The following R3HCC1L variants were observed in gnomAD, a reference collection of about 807,000 sequenced individuals.
R3HCC1L encodes R3H domain and coiled-coil containing 1 like.
In R3HCC1L, 51 loss-of-function variants were observed where a neutral mutation model predicts 59.9. The ratio of observed to expected loss-of-function variants is 0.85; its 90% confidence interval spans 0.68 to 1.07. R3HCC1L has a LOEUF of 1.07. Among genes scored for constraint, R3HCC1L ranks in the 50% least tolerant of loss-of-function variants. The pLI is 0.00. For missense variants in R3HCC1L, 965 were observed against 933.0 expected, an observed-to-expected ratio of 1.03 and a Z score of -0.45; for synonymous variants, 322 against 315.2, an observed-to-expected ratio of 1.02 and a Z score of -0.23.
intron 4 of R3HCC1L, among the ~76,000 whole-genome samples, chr10:98,176,948 A>G (rs566221808): frequency 1.4e-4 from 22 of 152,184 alleles, no homozygotes; most frequent in Admixed American, 1.2e-3. Flanking sequence ...ATGTACATCT[A>G]TTGAGATAAT....
intron 5 of R3HCC1L, among the ~76,000 whole-genome samples, chr10:98,223,393 G>T (rs1252634193): frequency 1.8e-4 from 27 of 152,050 alleles, no homozygotes; most frequent in Admixed American, 1.8e-3. Context: ...TCATTGGAAT[G>T]TTGGTGAATA....
intron 4 of R3HCC1L, among the ~76,000 whole-genome samples, chr10:98,176,614 T>A (rs926219803): frequency 2.0e-5 from 3 of 152,176 alleles, no homozygotes; most frequent in Admixed American, 6.5e-5. Context: ...AGAGATTCTA[T>A]GGGATTTCTA....
intron 4 of R3HCC1L, among the ~76,000 whole-genome samples, chr10:98,180,770 T>C (rs1849546217): frequency 6.6e-6 from 1 of 152,148 alleles, no homozygotes; most frequent in Non-Finnish European, 1.5e-5. Context: ...GATAGTTAGC[T>C]CTTCTTGTTG....
chr10:98,183,769 A>T (rs1849901199), intron 4 of R3HCC1L, among the ~76,000 whole-genome samples: 1 of 152,006 alleles, frequency 6.6e-6, no homozygotes, highest in African/African-American at 2.4e-5. Context: ...TTTTATTTCT[A>T]GCATTTCCGT....
intron 4 of R3HCC1L, among the ~76,000 whole-genome samples, chr10:98,199,973 T>A (rs1376774542): frequency 6.6e-6 from 1 of 152,070 alleles, no homozygotes; most frequent in African/African-American, 2.4e-5. Context: ...AATAGACTTG[T>A]GTATCAGTCT....
chr10:98,135,754 A>G (rs1844508411), intron 1 of R3HCC1L, among the ~76,000 whole-genome samples: 2 of 152,194 alleles, frequency 1.3e-5, no homozygotes, highest in African/African-American at 4.8e-5. Context: ...TCCTCAGCAC[A>G]CACAACTATC....
At chr10:98,144,073 G>A in intron 1 of R3HCC1L, among the ~76,000 whole-genome samples, 1 of 152,094 alleles carries the variant, frequency 6.6e-6, no homozygotes, top group Non-Finnish European at 1.5e-5. Context: ...TGGGGGGTCC[G>A]AAGCAAGAAG....
intron 4 of R3HCC1L, among the ~76,000 whole-genome samples, chr10:98,200,777 G>T (rs568436641): frequency 6.6e-6 from 1 of 152,076 alleles, no homozygotes; most frequent in Non-Finnish European, 1.5e-5. Flanking sequence ...TAGGTCAAAG[G>T]CAGATTTTCT....
rs370559307 is a variant in R3HCC1L at position 98,214,807 on chromosome 10, A to G, written c.1785+4908A>G. On this transcript the variant is annotated intron_variant, in intron 5 of 9. Transcript: ENST00000298999. ...TCTTAGAGATAGAACTGCACAAGTC[A>G]TTTTTTAAAAGTGGAATGTTAGCAT... Among the ~76,000 whole-genome samples the G allele has an allele frequency of 7.2e-5, 11 of 152,320 alleles. No individual in the cohort carries two copies. In the South Asian group the frequency reaches 1.0e-3, roughly 14 times the overall value.
At chr10:98,202,420 C>T (rs1475195704) in intron 4 of R3HCC1L, among the ~76,000 whole-genome samples, 1 of 152,100 alleles carries the variant, frequency 6.6e-6, no homozygotes, top group Non-Finnish European at 1.5e-5. Context: ...CACTGAAGGA[C>T]AGGTGGAAAT....
At chr10:98,235,615 A>G in intron 8 of R3HCC1L, 95 bp downstream of exon 8, 1 of 909,946 alleles carries the variant, frequency 1.1e-6, no homozygotes. Flanking sequence ...AAGACATATC[A>G]CTTTTATTTT....
intron 6 of R3HCC1L, 134 bp downstream of exon 6, chr10:98,231,821 C>T: frequency 1.0e-6 from 1 of 971,374 alleles, no homozygotes; most frequent in Non-Finnish European, 1.5e-6. Context: ...ATTGTCTTTT[C>T]CAGGTCCAGT....
chr10:98,202,389 G>T (rs760465173), intron 4 of R3HCC1L, among the ~76,000 whole-genome samples: 1 of 152,144 alleles, frequency 6.6e-6, no homozygotes, highest in Non-Finnish European at 1.5e-5. Context: ...ACTGGGACTG[G>T]ATGATCAAAG....
At chr10:98,150,125 A>T (rs916766068) in intron 1 of R3HCC1L, among the ~76,000 whole-genome samples, 1 of 152,094 alleles carries the variant, frequency 6.6e-6, no homozygotes, top group African/African-American at 2.4e-5. Context: ...TGTATTTCTG[A>T]GTTCCAATAT....
At chr10:98,150,528 T>C (rs1846047403) in intron 1 of R3HCC1L, among the ~76,000 whole-genome samples, 1 of 152,214 alleles carries the variant, frequency 6.6e-6, no homozygotes, top group Non-Finnish European at 1.5e-5. Flanking sequence ...TTCTTTTTTT[T>C]TTTCCTGCTA....
intron 4 of R3HCC1L, among the ~76,000 whole-genome samples, chr10:98,164,013 A>G (rs1262075979): frequency 1.3e-5 from 2 of 152,142 alleles, no homozygotes; most frequent in Non-Finnish European, 2.9e-5. Context: ...ACTCACATCT[A>G]ATGATGATCT....
intron 4 of R3HCC1L, among the ~76,000 whole-genome samples, chr10:98,191,547 A>G (rs576283395): frequency 6.6e-6 from 1 of 152,134 alleles, no homozygotes; most frequent in South Asian, 2.1e-4. Context: ...TAGATTCTGG[A>G]TATTAGCCCT....
At chr10:98,146,212 A>G (rs1322508995) in intron 1 of R3HCC1L, among the ~76,000 whole-genome samples, 1 of 152,176 alleles carries the variant, frequency 6.6e-6, no homozygotes, top group African/African-American at 2.4e-5. Context: ...AATAATTTGC[A>G]TACTATACAA....
chr10:98,229,963 T>C (rs1411467695), intron 5 of R3HCC1L, among the ~76,000 whole-genome samples: 1 of 152,246 alleles, frequency 6.6e-6, no homozygotes, highest in African/African-American at 2.4e-5. Flanking sequence ...CTTTTTGATG[T>C]GCTGCTGCAT....
Sources: allele counts gnomAD v4.1 joint callset (sites outside exome capture counted in the v4.1 genomes callset), GRCh38; gene constraint gnomAD v4.1.1; transcripts MANE v1.5; gene names NCBI Gene and HGNC (gene_info 2026-07-23, HGNC 2026-07-21).